The following MRS2 variants were observed in gnomAD, a reference collection of about 807,000 sequenced individuals.
MRS2 encodes the protein magnesium transporter MRS2 homolog, mitochondrial.
A neutral mutation model predicts 52.6 loss-of-function variants in MRS2; 40 were observed. That is an observed-to-expected ratio of 0.76 (90% CI 0.59 to 0.99). MRS2 has a LOEUF of 0.99. Ranked by LOEUF, MRS2 falls within the 50% of genes least tolerant of loss-of-function variation. The pLI is 0.00. For missense variants in MRS2, 472 were observed against 532.7 expected, an observed-to-expected ratio of 0.89 and a Z score of 1.12; for synonymous variants, 193 against 195.9, an observed-to-expected ratio of 0.98 and a Z score of 0.13.
chr6:24,411,103 T>C (rs1381232057), intron 4 of MRS2, among the ~76,000 whole-genome samples: 3 of 151,186 alleles, frequency 2.0e-5, no homozygotes, highest in African/African-American at 7.3e-5. Context: ...GGTAGGAGAA[T>C]AGCTTGAACC....
rs533829162 is a variant in MRS2 at position 24,412,202 on chromosome 6, G to GTT, written c.415-20_415-19insTT. On this transcript the variant is annotated intron_variant, in intron 4 of 10. Coordinates refer to ENST00000378386, the MANE Select transcript of MRS2 (RefSeq NM_020662.4). ...ATACACTCACATATTTATATGTTTTGGTTTTTTTTTTTTTAACAGTATTTG... is the reference window on the plus strand; with the variant it reads ...ATACACTCACATATTTATATGTTTTGTTGTTTTTTTTTTTTTAACAGTATTTG... The GTT allele has an allele frequency of 3.6e-4, 446 of 1,226,068 alleles. 1 individual carries two copies. The highest frequency in any genetic ancestry group is 2.2e-3 in the Middle Eastern group (8 of 3,666). The allele number at this position is 1,226,068 out of a possible 1,614,324, so 75.9% of individuals were successfully genotyped here.
rs371057723 is a variant in MRS2 at position 24,415,896 on chromosome 6, G to A, written c.720-501G>A. ...TCCGTTGCCCAGGCTGGAGTGCAGT[G>A]GTGCAGTCTCAGCTCACTGCAGCCT... On this transcript the variant is annotated intron_variant, in intron 6 of 10. Transcript: ENST00000378386. 5.3e-5 allele frequency among the ~76,000 whole-genome samples: 8 copies of A among 152,240 alleles called. No homozygotes were observed. In the East Asian group the frequency reaches 7.7e-4, roughly 15 times the overall value.
intron 5 of MRS2, among the ~76,000 whole-genome samples, chr6:24,414,698 G>A (rs1761784192): frequency 6.6e-6 from 1 of 152,164 alleles, no homozygotes; most frequent in African/African-American, 2.4e-5. Context: ...CTGGGCAGAG[G>A]GGCTCATCAC....
chr6:24,415,593 C>T (rs528815468), intron 6 of MRS2, among the ~76,000 whole-genome samples: 10 of 152,102 alleles, frequency 6.6e-5, no homozygotes, highest in African/African-American at 9.7e-5. Context: ...GTTATACTCC[C>T]GAAATCCCTT....
At position 24,408,569 on chromosome 6, in the gene MRS2, T is replaced by C. The variant is rs1233400545; in HGVS notation, c.301+125T>C. ...ATACAGGTGTGTTGAAAGAGATCTT[T>C]CTTCAGCATTTGTCCATCAGTCTTA... On this transcript the variant is annotated intron_variant, in intron 3 of 10. Transcript: ENST00000378386. The C allele has an allele frequency of 8.7e-6, 6 of 685,870 alleles. No homozygotes were observed. In the East Asian group the frequency reaches 1.3e-4, roughly 15 times the overall value. 42.5% of individuals were successfully genotyped at this position (685,870 alleles called of 1,614,324 possible).
rs201553540 is a variant in MRS2, at chr6:24,412,344, A to G, written c.537A>G (p.Thr179=). The change falls in exon 5 of 11, where the codon ACA becomes ACG. Residue 179 remains threonine (T), a synonymous_variant. Coordinates refer to ENST00000378386, the MANE Select transcript of MRS2 (RefSeq NM_020662.4). The part of the protein sequence containing the change: ...SQLSGEGQLV[T]YPLPFEFRAI... ...TGTCTGGAGAGGGTCAACTCGTTAC[A>G]TACCCTTTACCTTTTGAGTTTAGAG... is the stretch of plus-strand genomic sequence containing the variant. 1.3e-6 allele frequency: 2 copies of G among 1,598,284 alleles called. No individual in the cohort carries two copies. Among genetic ancestry groups the G allele is most frequent in the East Asian group, 2.3e-5 (1 of 43,952 alleles).
Position 24,425,836 on chromosome 6 carries a change from A to G in MRS2, c.*2142A>G, listed in dbSNP as rs1762216723. 6.6e-6 allele frequency: 1 copy of G among 152,226 alleles called. No individual in the cohort carries two copies. Among genetic ancestry groups the G allele is most frequent in the African/African-American group, 2.4e-5 (1 of 41,464 alleles). The allele number at this position is 152,226 out of a possible 1,614,324, so 9.4% of individuals were successfully genotyped here. A position where few individuals can be genotyped will look rare whatever the true frequency, so the allele number is the denominator to read the frequency against. ...CTGTTAAGCAGCACTAACCAATTTT[A>G]TATTAAAAAGCTATTTATTTTGGTG... is the stretch of plus-strand genomic sequence containing the variant. On this transcript the variant is annotated 3_prime_UTR_variant, in exon 11 of 11. Coordinates refer to ENST00000378386, the MANE Select transcript of MRS2 (RefSeq NM_020662.4).
At chr6:24,414,555 C>T (rs1232232327) in intron 5 of MRS2, among the ~76,000 whole-genome samples, 1 of 150,044 alleles carries the variant, frequency 6.7e-6, no homozygotes, top group African/African-American at 2.4e-5. Flanking sequence ...CTTCTTTCTA[C>T]ACAGACACAG....
At chr6:24,413,608 G>A (rs981050858) in intron 5 of MRS2, among the ~76,000 whole-genome samples, 3 of 152,190 alleles carry the variant, frequency 2.0e-5, no homozygotes, top group Admixed American at 6.5e-5. Context: ...ATTAAAAGAT[G>A]TGGTCTGCCT....
In MRS2 at chr6:24,424,735, TAG is replaced by T. The variant is rs1762170190; in HGVS notation, c.*1044_*1045del. On this transcript the variant is annotated 3_prime_UTR_variant, in exon 11 of 11. Transcript: ENST00000378386. ...CCAAAGTAGTGTGCATGGAAGATTC[TAG>T]AGTGTCCAGCTCTTGCACTACAAAT... is the stretch of plus-strand genomic sequence containing the variant. 6.6e-6 allele frequency: 1 copy of T among 152,244 alleles called. No homozygotes were observed. Among genetic ancestry groups the T allele is most frequent in the African/African-American group, 2.4e-5 (1 of 41,468 alleles). The allele number at this position is 152,244 out of a possible 1,614,324, so 9.4% of individuals were successfully genotyped here.
At position 24,416,382 on chromosome 6, in the gene MRS2, ATC is replaced by A. The variant is rs770521763; in HGVS notation, c.720-13_720-12del. ...TTTATTCTATTGATCATTTTTGTGT[ATC>A]TATTTCTTATAGTCTATCAGAGTTA... On this transcript the variant is annotated splice_polypyrimidine_tract_variant and intron_variant, in intron 6 of 10. Coordinates refer to ENST00000378386, the MANE Select transcript of MRS2 (RefSeq NM_020662.4). The A allele has an allele frequency of 2.8e-5, 28 of 999,294 alleles. No homozygotes were observed. The African/African-American group carries it at 4.4e-4, about 16-fold the overall frequency. 61.9% of individuals were successfully genotyped at this position (999,294 alleles called of 1,614,324 possible).
At position 24,418,096 on chromosome 6, in the gene MRS2, T is replaced by G. The variant is rs1761913220; in HGVS notation, c.849T>G (p.Ser283Arg). The change falls in exon 8 of 11, where the codon AGT (serine) becomes AGG (arginine). Residue 283 changes from serine (S) to arginine (R), a missense_variant. Ser to Arg is a moderately radical substitution (Grantham distance 110). Transcript: ENST00000378386. The stretch of plus-strand genomic sequence containing the variant: ...CTTTTAATTGAAGTGAAAAGAGCAG[T>G]GCTGGGATTGACCATGCAGAAGAGA... ...WSDPQVFEKS[S>R]AGIDHAEEME... is the part of the protein sequence containing the mutation. 6.2e-7 allele frequency: 1 copy of G among 1,611,918 alleles called. No individual in the cohort carries two copies. The highest frequency in any genetic ancestry group is 2.2e-5 in the East Asian group (1 of 44,870).
chr6:24,418,333 A>C (rs999094283), intron 8 of MRS2, 97 bp downstream of exon 8: 54 of 1,501,842 alleles, frequency 3.6e-5, no homozygotes, highest in Non-Finnish European at 4.6e-5. Flanking sequence ...CATCATTATC[A>C]TCTATACTAC....
rs560054911 is a variant in MRS2, at chr6:24,413,390, C to T, written c.588+995C>T. On this transcript the variant is annotated intron_variant, in intron 5 of 10. Transcript: ENST00000378386. ...ATGGGGTCCCAGGAAGATTTCCTTA[C>T]GAAACAACACTACATAGAAGCAAGA... is the stretch of plus-strand genomic sequence containing the variant. 1.2e-4 allele frequency among the ~76,000 whole-genome samples: 19 copies of T among 152,084 alleles called. No individual in the cohort carries two copies. In the South Asian group the frequency reaches 1.7e-3, roughly 13 times the overall value.
chr6:24,418,669 C>A, intron 9 of MRS2, 91 bp downstream of exon 9: 2 of 948,830 alleles, frequency 2.1e-6, no homozygotes, highest in South Asian at 1.4e-5. Flanking sequence ...GAGGCTGAGG[C>A]AGGTGGATCA....
intron 1 of MRS2, 99 bp downstream of exon 1, chr6:24,403,335 CCCTCCGCAGG>C: frequency 8.2e-7 from 1 of 1,217,662 alleles, no homozygotes; most frequent in Non-Finnish European, 1.1e-6. Context: ...TTGCTCCGCG[CCCTCCGCAGG>C]CCTCGGCCTC....
chr6:24,417,567 G>A (rs1761891755), intron 7 of MRS2, among the ~76,000 whole-genome samples: 1 of 152,176 alleles, frequency 6.6e-6, no homozygotes. Context: ...TCTACATAAG[G>A]ATGGAACCTC....
At chr6:24,418,698 A>G (rs1414231808) in intron 9 of MRS2, 120 bp downstream of exon 9, 2 of 730,484 alleles carry the variant, frequency 2.7e-6, no homozygotes, top group Non-Finnish European at 4.7e-6. Context: ...CAGGAGTTTG[A>G]GACCAACCTG....
intron 1 of MRS2, among the ~76,000 whole-genome samples, chr6:24,404,327 G>A (rs1332973654): frequency 1.3e-5 from 2 of 152,164 alleles, no homozygotes; most frequent in African/African-American, 4.8e-5. Context: ...AAAGGCATTT[G>A]TAATCAGCAA....
Sources: allele counts gnomAD v4.1 joint callset (sites outside exome capture counted in the v4.1 genomes callset), GRCh38; gene constraint gnomAD v4.1.1; transcripts MANE v1.5; gene names NCBI Gene and HGNC (gene_info 2026-07-23, HGNC 2026-07-21).